The following GRIP1 variants were observed in gnomAD, a reference collection of about 807,000 sequenced individuals.
GRIP1 encodes glutamate receptor interacting protein 1.
In GRIP1, 45 loss-of-function variants were observed where a neutral mutation model predicts 129.9. The ratio of observed to expected loss-of-function variants is 0.35; its 90% CI spans 0.27 to 0.44. The LOEUF (loss-of-function observed/expected upper bound fraction) is 0.44, where lower values mean the gene tolerates loss of function less well. Ranked by LOEUF, GRIP1 falls within the 20% of genes least tolerant of loss-of-function variation. The pLI, the probability that GRIP1 is intolerant of heterozygous loss-of-function variation, is 1.00. For missense variants in GRIP1, 1,196 were observed against 1,396.8 expected (o/e 0.86, Z 2.29); for synonymous variants, 530 against 520.8 (o/e 1.02, Z -0.24).
chr12:66,906,449 G>A lies in GRIP1; in HGVS notation c.58+162601C>T, dbSNP rs559544110. 1.2e-3 allele frequency among the ~76,000 whole-genome samples: 181 copies of A among 152,016 alleles called. 2 individuals carry two copies. Among genetic ancestry groups the A allele is most frequent in the African/African-American group, 4.2e-3 (173 of 41,448 alleles). The stretch of plus-strand genomic sequence containing the variant: ...CTGTCTCAAAAAAAAATAAAATAAG[G>A]TAGAAAAGAGCCCAGATTTCCCACT... On this transcript the variant is annotated intron_variant, in intron 1 of 1. Transcript: ENST00000643019.
intron 2 of GRIP1, among the ~76,000 whole-genome samples, chr12:66,558,299 T>TA (rs754462955): frequency 2.2e-4 from 34 of 152,104 alleles, no homozygotes; most frequent in Admixed American, 3.9e-4. Flanking sequence ...AGGCATCTCT[T>TA]ACATGGTGGC....
At chr12:66,576,775 G>A (rs2063151898) in intron 2 of GRIP1, among the ~76,000 whole-genome samples, 1 of 152,192 alleles carries the variant, frequency 6.6e-6, no homozygotes. Context: ...AAATAAATGT[G>A]CAGACAATTG....
In GRIP1 at chr12:66,980,525, C is replaced by T. The variant is rs193143911; in HGVS notation, c.58+88525G>A. ...ACTTGGGAGGCTGAGGCAGGAGAAT[C>T]GCTTGAACTCAGGAGGCAGAGGTTG... On this transcript the variant is annotated intron_variant, in intron 1 of 1. Transcript: ENST00000643019. Among the ~76,000 whole-genome samples, 399 of 152,244 alleles carry T rather than the reference C, an allele frequency of 2.6e-3. 2 individuals carry two copies. The highest frequency in any genetic ancestry group is 9.0e-3 in the African/African-American group (373 of 41,538).
At chr12:66,551,930 T>C (rs1475883927) in intron 2 of GRIP1, among the ~76,000 whole-genome samples, 1 of 152,110 alleles carries the variant, frequency 6.6e-6, no homozygotes, top group Non-Finnish European at 1.5e-5. Context: ...AATCCAGAAC[T>C]ACTGTGCGGG....
chr12:66,515,534 T>C, intron 7 of GRIP1, 85 bp downstream of exon 7: 1 of 1,230,702 alleles, frequency 8.1e-7, no homozygotes, highest in Non-Finnish European at 1.2e-6. Context: ...GGCATGACAA[T>C]ACATACTTAA....
At chr12:66,488,445 T>C (rs1440136060) in intron 7 of GRIP1, among the ~76,000 whole-genome samples, 1 of 152,178 alleles carries the variant, frequency 6.6e-6, no homozygotes, top group Admixed American at 6.5e-5. Context: ...AGAGACAATA[T>C]ACCAGAATTT....
intron 1 of GRIP1, among the ~76,000 whole-genome samples, chr12:66,754,975 G>A (rs771148219): frequency 6.6e-6 from 1 of 152,096 alleles, no homozygotes; most frequent in Non-Finnish European, 1.5e-5. Flanking sequence ...AGAAGCAAAC[G>A]AGTATGATTT....
At chr12:66,629,715 C>T (rs770232113) in intron 1 of GRIP1, among the ~76,000 whole-genome samples, 5 of 152,160 alleles carry the variant, frequency 3.3e-5, no homozygotes, top group Admixed American at 6.5e-5. Flanking sequence ...CTACTTTCAT[C>T]CAGAAATGTT....
chr12:66,900,609 T>C (rs538838036), intron 1 of GRIP1, among the ~76,000 whole-genome samples: 260 of 152,306 alleles, frequency 1.7e-3, no homozygotes, highest in African/African-American at 6.0e-3. Flanking sequence ...TTCTACATAG[T>C]TTCTATCTGC....
intron 1 of GRIP1, among the ~76,000 whole-genome samples, chr12:66,945,627 T>A (rs1468567838): frequency 1.3e-5 from 2 of 152,166 alleles, no homozygotes; most frequent in African/African-American, 4.8e-5. Flanking sequence ...ACTCACCTAC[T>A]ATTGCAAGGA....
At chr12:66,526,172 A>G (rs1168766223) in intron 5 of GRIP1, among the ~76,000 whole-genome samples, 1 of 151,018 alleles carries the variant, frequency 6.6e-6, no homozygotes, top group African/African-American at 2.4e-5. Context: ...GAATTGGAAA[A>G]AACTACTTTA....
intron 1 of GRIP1, among the ~76,000 whole-genome samples, chr12:66,749,333 T>C (rs1301467686): frequency 6.6e-6 from 1 of 152,202 alleles, no homozygotes; most frequent in Non-Finnish European, 1.5e-5. Flanking sequence ...TTACTCAGTG[T>C]AATTTGGGAA....
chr12:66,704,475 G>A (rs752887000), intron 1 of GRIP1, among the ~76,000 whole-genome samples: 12 of 151,886 alleles, frequency 7.9e-5, no homozygotes, highest in Admixed American at 2.0e-4. Flanking sequence ...AAGATGTGAA[G>A]AAACAGTGGG....
chr12:66,723,533 A>C (rs970332161), intron 1 of GRIP1, among the ~76,000 whole-genome samples: 1 of 151,632 alleles, frequency 6.6e-6, no homozygotes, highest in African/African-American at 2.4e-5. Flanking sequence ...GGTTGGTCTC[A>C]AACTCCTGAC....
At chr12:67,043,749 T>C (rs2043213224) in intron 1 of GRIP1, among the ~76,000 whole-genome samples, 1 of 152,216 alleles carries the variant, frequency 6.6e-6, no homozygotes, top group South Asian at 2.1e-4. Flanking sequence ...AAAAAGTTTA[T>C]AAACTCACTA....
intron 1 of GRIP1, among the ~76,000 whole-genome samples, chr12:66,768,498 G>A (rs1225433393): frequency 2.6e-5 from 4 of 152,194 alleles, no homozygotes; most frequent in African/African-American, 9.7e-5. Flanking sequence ...AATTGAGGAA[G>A]TTAACGTGTG....
intron 1 of GRIP1, among the ~76,000 whole-genome samples, chr12:66,905,715 T>C (rs1274009191): frequency 6.6e-6 from 1 of 152,206 alleles, no homozygotes; most frequent in Non-Finnish European, 1.5e-5. Context: ...ATTAATTACA[T>C]GTGTTATTAT....
At chr12:66,574,725 G>A (rs1005932948) in intron 2 of GRIP1, among the ~76,000 whole-genome samples, 2 of 151,366 alleles carry the variant, frequency 1.3e-5, no homozygotes, top group Admixed American at 6.6e-5. Flanking sequence ...CCACTTTCAT[G>A]GTCAACTCCA....
At chr12:66,436,098 T>A (rs2058294560) in intron 13 of GRIP1, among the ~76,000 whole-genome samples, 1 of 152,248 alleles carries the variant, frequency 6.6e-6, no homozygotes. Context: ...TAGACTCGCA[T>A]GTAATTATTT....
Sources: gnomAD v4.1 joint callset for allele counts (sites outside exome capture counted in the v4.1 genomes callset) on GRCh38, gnomAD v4.1.1 for gene constraint, MANE v1.5 for transcripts, NCBI Gene and HGNC (gene_info 2026-07-23, HGNC 2026-07-21) for gene names.